PCSK2: variants seen among roughly 807,000 people sequenced by gnomAD.
PCSK2 encodes proprotein convertase subtilisin/kexin type 2, also known as neuroendocrine convertase 2.
A neutral mutation model predicts 69.7 loss-of-function variants in PCSK2; 14 were observed. The ratio of observed to expected loss-of-function variants is 0.20; its 90% CI spans 0.13 to 0.31. The LOEUF is 0.31. PCSK2 is among the 10% of genes least tolerant of loss of function. The probability of loss-of-function intolerance (pLI) is 1.00; values close to 1 mark genes in which losing one functional copy is unlikely to be tolerated. For missense variants in PCSK2, 544 were observed against 842.5 expected (o/e 0.65, Z 4.39); for synonymous variants, 307 against 320.7 (o/e 0.96, Z 0.46).
At chr20:17,376,044 A>G (rs2030915780) in intron 5 of PCSK2, among the ~76,000 whole-genome samples, 1 of 152,146 alleles carries the variant, frequency 6.6e-6, no homozygotes, top group Non-Finnish European at 1.5e-5. Context: ...CCAACTGCCT[A>G]CCCACGCCTC....
chr20:17,436,713 C>T lies in PCSK2; in HGVS notation c.715C>T (p.Arg239Trp), dbSNP rs920293680. 1 of 1,611,788 alleles carries T rather than the reference C, an allele frequency of 6.2e-7. No homozygotes were observed. ...VAYNSKVAGI[R>W]MLDQPFMTDI... ...TCTGCTCAACGTGTCCACAGGCATC[C>T]GGATGCTGGACCAGCCATTCATGAC... The change falls in exon 8 of 12, where the codon CGG becomes TGG. Residue 239 changes from arginine (R) to tryptophan (W), a missense_variant. Arg to Trp is a moderately radical substitution (Grantham distance 101). Around this residue, in one of 3 missense-constraint regions of PCSK2, gnomAD observed 187 missense variants for 399.8 expected, o/e 0.47. Transcript: ENST00000262545.
intron 2 of PCSK2, among the ~76,000 whole-genome samples, chr20:17,353,308 A>G (rs1048071494): frequency 6.6e-6 from 1 of 151,582 alleles, no homozygotes; most frequent in Non-Finnish European, 1.5e-5. Flanking sequence ...AAAAAATACA[A>G]AAAAAAATTA....
In PCSK2 at chr20:17,363,966, T is replaced by C. The variant is rs919766494; in HGVS notation, c.505+3326T>C. Among the ~76,000 whole-genome samples the C allele has an allele frequency of 5.3e-5, 8 of 152,298 alleles. No homozygotes were observed. In the East Asian group the frequency reaches 1.4e-3, roughly 26 times the overall value. On this transcript the variant is annotated intron_variant, in intron 4 of 11. Transcript: ENST00000262545. ...TGGTACTTGAAACCTAATCCTTTGC[T>C]CTGCCTTCCTGGTGAGACTTTATGA...
chr20:17,290,682 G>A (rs894538700), intron 2 of PCSK2, among the ~76,000 whole-genome samples: 5 of 152,160 alleles, frequency 3.3e-5, no homozygotes, highest in Non-Finnish European at 7.3e-5. Flanking sequence ...ATTTATGTGG[G>A]ATTTTTGAAG....
chr20:17,252,527 A>C (rs1987020683), intron 1 of PCSK2, among the ~76,000 whole-genome samples: 1 of 152,180 alleles, frequency 6.6e-6, no homozygotes, highest in African/African-American at 2.4e-5. Context: ...CATAACAAAA[A>C]CATTTTATAA....
At chr20:17,314,478 A>G (rs1049010035) in intron 2 of PCSK2, among the ~76,000 whole-genome samples, 1 of 152,234 alleles carries the variant, frequency 6.6e-6, no homozygotes, top group East Asian at 1.9e-4. Context: ...GTGAGCTAAC[A>G]GGGTATGGCC....
intron 3 of PCSK2, among the ~76,000 whole-genome samples, chr20:17,360,257 T>C (rs1346776580): frequency 1.3e-5 from 2 of 151,832 alleles, no homozygotes; most frequent in Non-Finnish European, 2.9e-5. Flanking sequence ...TTAAAGATAG[T>C]GATCTAGTTA....
intron 1 of PCSK2, 118 bp downstream of exon 1, chr20:17,227,600 C>A: frequency 1.4e-6 from 1 of 706,352 alleles, no homozygotes; most frequent in Non-Finnish European, 2.4e-6. Context: ...TGCAGATATT[C>A]TGCCATGGGC....
Position 17,483,667 on chromosome 20 carries a change from A to G in PCSK2, c.*1597A>G, listed in dbSNP as rs771042738. ...CCCCATTTGCTTTCTTTTCTCCCAT[A>G]TTGGCATGGATTTCTGTCTTCTCTA... On this transcript the variant is annotated 3_prime_UTR_variant, in exon 12 of 12. Coordinates refer to ENST00000262545, the MANE Select transcript of PCSK2 (RefSeq NM_002594.5). The G allele has an allele frequency of 2.6e-5, 4 of 152,400 alleles. No homozygotes were observed. The highest frequency in any genetic ancestry group is 5.9e-5 in the Non-Finnish European group (4 of 68,028). 9.4% of individuals were successfully genotyped at this position (152,400 alleles called of 1,614,324 possible).
At chr20:17,340,500 G>A (rs1011879941) in intron 2 of PCSK2, among the ~76,000 whole-genome samples, 1 of 152,108 alleles carries the variant, frequency 6.6e-6, no homozygotes, top group South Asian at 2.1e-4. Context: ...TCCTCTTCTT[G>A]TCTCTATGAT....
At chr20:17,456,697 G>A (rs1225190497) in intron 10 of PCSK2, among the ~76,000 whole-genome samples, 4 of 152,182 alleles carry the variant, frequency 2.6e-5, no homozygotes, top group Non-Finnish European at 4.4e-5. Flanking sequence ...CCAGCAGCAC[G>A]TATTAGCAAC....
chr20:17,261,548 A>G (rs185989072), intron 2 of PCSK2, among the ~76,000 whole-genome samples: 21 of 152,344 alleles, frequency 1.4e-4, no homozygotes, highest in African/African-American at 4.8e-4. Context: ...TGCAGTAACA[A>G]TTAAGCTGCC....
intron 5 of PCSK2, among the ~76,000 whole-genome samples, chr20:17,392,647 T>G (rs1156905657): frequency 6.6e-6 from 1 of 152,192 alleles, no homozygotes; most frequent in Non-Finnish European, 1.5e-5. Context: ...TCCTACAGTT[T>G]TGTCTCTTCT....
intron 2 of PCSK2, among the ~76,000 whole-genome samples, chr20:17,347,862 G>GAA (rs1990704796): frequency 2.2e-5 from 1 of 45,240 alleles, no homozygotes; most frequent in South Asian, 6.3e-4. Context: ...GAAAGAAAGA[G>GAA]GAGAGAGAAA....
At chr20:17,397,727 T>C (rs902571093) in intron 5 of PCSK2, among the ~76,000 whole-genome samples, 2 of 152,174 alleles carry the variant, frequency 1.3e-5, no homozygotes, top group Non-Finnish European at 2.9e-5. Context: ...TCCACCTGCC[T>C]CGGCCTCCCA....
At chr20:17,255,281 G>A (rs1987133212) in intron 1 of PCSK2, among the ~76,000 whole-genome samples, 1 of 152,082 alleles carries the variant, frequency 6.6e-6, no homozygotes, top group Admixed American at 6.5e-5. Flanking sequence ...ATTAACTATG[G>A]TGTTAGCTGT....
intron 1 of PCSK2, among the ~76,000 whole-genome samples, chr20:17,230,808 T>C (rs1164795967): frequency 6.6e-6 from 1 of 152,232 alleles, no homozygotes; most frequent in Non-Finnish European, 1.5e-5. Context: ...TATAAGACCA[T>C]GAACAAACAT....
chr20:17,378,489 C>T (rs2030992452), intron 5 of PCSK2, among the ~76,000 whole-genome samples: 1 of 152,114 alleles, frequency 6.6e-6, no homozygotes, highest in Non-Finnish European at 1.5e-5. Context: ...TAATGTCTTC[C>T]AACTCTTTTA....
chr20:17,262,802 G>T (rs192215033), intron 2 of PCSK2, among the ~76,000 whole-genome samples: 2 of 152,300 alleles, frequency 1.3e-5, no homozygotes, highest in Non-Finnish European at 2.9e-5. Flanking sequence ...CCAGAAGGAG[G>T]TCCAGGCTTT....
Sources: gnomAD v4.1 joint callset for allele counts (sites outside exome capture counted in the v4.1 genomes callset) on GRCh38, gnomAD v4.1.1 for gene constraint, gnomAD v4.1.1 regional missense constraint, MANE v1.5 for transcripts, NCBI Gene and HGNC (gene_info 2026-07-23, HGNC 2026-07-21) for gene names.